The following NRP1 variants were observed in gnomAD, a reference collection of about 807,000 sequenced individuals.
NRP1 encodes neuropilin-1.
A neutral mutation model predicts 106.7 loss-of-function variants in NRP1; 35 were observed. The observed-to-expected ratio is 0.33, with a 90% CI of 0.25 to 0.43. NRP1 has a LOEUF of 0.43. Ranked by LOEUF, NRP1 falls within the 20% of genes least tolerant of loss-of-function variation. NRP1 has a pLI of 1.00. For synonymous variants in NRP1, 437 were observed against 417.9 expected (o/e 1.05, Z -0.56); for missense variants, 1,024 against 1,170.4 (o/e 0.87, Z 1.83).
intron 2 of NRP1, among the ~76,000 whole-genome samples, chr10:33,313,344 G>A (rs1240233594): frequency 6.6e-6 from 1 of 151,966 alleles, no homozygotes; most frequent in Non-Finnish European, 1.5e-5. Flanking sequence ...GAAGAAGAAA[G>A]CAAAAAGTAG....
At chr10:33,207,832 C>G (rs1343119569) in intron 9 of NRP1, 116 bp from the exon 10 acceptor site, 1 of 1,064,342 alleles carries the variant, frequency 9.4e-7, no homozygotes, top group East Asian at 2.5e-5. Flanking sequence ...TGGCTTCATT[C>G]TACCACTTTG....
At chr10:33,280,975 GAA>G (rs1364391424) in intron 2 of NRP1, among the ~76,000 whole-genome samples, 1 of 106,814 alleles carries the variant, frequency 9.4e-6, no homozygotes, top group Admixed American at 9.4e-5. Flanking sequence ...TGTCTCAAAA[GAA>G]AAAAAAAAAA....
intron 9 of NRP1, chr10:33,211,456 C>T (rs1460389701): frequency 2.0e-5 from 3 of 152,004 alleles, no homozygotes; most frequent in Admixed American, 1.3e-4. Flanking sequence ...AAACAAGGCA[C>T]AAAAGGGGAA....
rs1257184985 is a variant in NRP1 at position 33,180,064 on chromosome 10, C to T, written c.*12G>A. 3.1e-6 allele frequency: 5 copies of T among 1,612,018 alleles called. No homozygotes were observed. The South Asian group carries it at 5.5e-5, about 18-fold the overall frequency. On this transcript the variant is annotated 3_prime_UTR_variant, in exon 17 of 17. Coordinates refer to ENST00000374867, the MANE Select transcript of NRP1 (RefSeq NM_003873.7). Reference sequence around the variant, plus strand: ...TTCCGTCCTTTGACTGTCTTTTCATCTCTGTCTGCCTTCATGCCTCCGAAT... The same window carrying T: ...TTCCGTCCTTTGACTGTCTTTTCATTTCTGTCTGCCTTCATGCCTCCGAAT...
intron 13 of NRP1, 55 bp downstream of exon 13, chr10:33,192,226 C>A: frequency 1.3e-6 from 2 of 1,576,370 alleles, no homozygotes; most frequent in East Asian, 2.3e-5. Context: ...GTAACACAGC[C>A]TCGGAATCAA....
intron 6 of NRP1, among the ~76,000 whole-genome samples, chr10:33,241,520 G>A (rs979429573): frequency 6.6e-6 from 1 of 152,142 alleles, no homozygotes; most frequent in Non-Finnish European, 1.5e-5. Flanking sequence ...GGCAGCTGTG[G>A]CTCATCTATT....
intron 9 of NRP1, chr10:33,211,832 G>A (rs1397371338): frequency 6.6e-6 from 1 of 152,268 alleles, no homozygotes; most frequent in Non-Finnish European, 1.5e-5. Context: ...CACAAGAGGA[G>A]TAGGTCCTGG....
intron 15 of NRP1, 59 bp downstream of exon 15, chr10:33,185,569 T>G (rs1367058174): frequency 7.8e-7 from 1 of 1,281,016 alleles, no homozygotes; most frequent in Non-Finnish European, 1.1e-6. Flanking sequence ...ACCATCATAT[T>G]GGCAAGAGTC....
At chr10:33,261,140 G>A (rs1842546130) in intron 4 of NRP1, among the ~76,000 whole-genome samples, 1 of 152,092 alleles carries the variant, frequency 6.6e-6, no homozygotes, top group Non-Finnish European at 1.5e-5. Flanking sequence ...TTTTCTCTGG[G>A]AACAAGTGAA....
chr10:33,196,695 T>C (rs1337189756), intron 12 of NRP1, among the ~76,000 whole-genome samples: 2 of 152,128 alleles, frequency 1.3e-5, no homozygotes, highest in Non-Finnish European at 1.5e-5. Flanking sequence ...AAAGAGAAGT[T>C]TGTTTTGCAG....
chr10:33,258,045 A>T (rs1842320308), intron 4 of NRP1, among the ~76,000 whole-genome samples: 1 of 152,194 alleles, frequency 6.6e-6, no homozygotes, highest in African/African-American at 2.4e-5. Context: ...CAGTGTGTGC[A>T]GTTTGGATGC....
intron 6 of NRP1, chr10:33,249,443 GA>G: frequency 1.9e-6 from 1 of 524,502 alleles, no homozygotes; most frequent in South Asian, 1.4e-5. Context: ...TATTTTATAG[GA>G]AAAGAAACTC....
chr10:33,306,002 C>T (rs1002420539), intron 2 of NRP1, among the ~76,000 whole-genome samples: 5 of 152,006 alleles, frequency 3.3e-5, no homozygotes, highest in East Asian at 3.9e-4. Context: ...CTCCTCACCT[C>T]GTGATCTGCC....
chr10:33,197,675 C>T lies in NRP1; in HGVS notation c.1899G>A (p.Thr633=), dbSNP rs1204456845. 1.0e-5 allele frequency: 16 copies of T among 1,605,716 alleles called. No individual in the cohort carries two copies. The highest frequency in any genetic ancestry group is 4.5e-5 in the East Asian group (2 of 44,626). ...CTGATTGTATGGTGCTGTCTATGAC[C>T]GTGGGCTTTTCTGTGGCCAGCACAG... The part of the protein sequence containing the change: ...GTTVLATEKP[T]VIDSTIQSEF... The change falls in exon 12 of 17, where the codon ACG becomes ACA. Residue 633 remains threonine, a synonymous_variant. Coordinates refer to ENST00000374867, the MANE Select transcript of NRP1 (RefSeq NM_003873.7).
At chr10:33,289,666 C>T (rs192677362) in intron 2 of NRP1, among the ~76,000 whole-genome samples, 42 of 152,248 alleles carry the variant, frequency 2.8e-4, no homozygotes, top group African/African-American at 8.7e-4. Flanking sequence ...GATACACATA[C>T]GAATGGTAAG....
intron 4 of NRP1, among the ~76,000 whole-genome samples, 175 bp downstream of exon 4, chr10:33,263,471 G>A (rs1252656609): frequency 6.6e-6 from 1 of 152,020 alleles, no homozygotes; most frequent in African/African-American, 2.4e-5. Flanking sequence ...AATTACTAAG[G>A]TCTTCTTGAG....
intron 13 of NRP1, among the ~76,000 whole-genome samples, chr10:33,191,403 G>A (rs939989276): frequency 6.6e-6 from 1 of 152,168 alleles, no homozygotes; most frequent in Non-Finnish European, 1.5e-5. Flanking sequence ...TCTTTCCCCA[G>A]TGAATAAGAA....
intron 6 of NRP1, among the ~76,000 whole-genome samples, chr10:33,241,631 T>C (rs1246397623): frequency 6.6e-6 from 1 of 151,902 alleles, no homozygotes; most frequent in African/African-American, 2.4e-5. Flanking sequence ...AGGACTGTGC[T>C]GTTGTATGTG....
At chr10:33,217,986 G>A (rs1564392806) in intron 8 of NRP1, among the ~76,000 whole-genome samples, 1 of 152,186 alleles carries the variant, frequency 6.6e-6, no homozygotes, top group Non-Finnish European at 1.5e-5. Context: ...CCCTGAATGA[G>A]CATAATTTAA....
Sources: allele counts gnomAD v4.1 joint callset (sites outside exome capture counted in the v4.1 genomes callset), GRCh38; gene constraint gnomAD v4.1.1; transcripts MANE v1.5; gene names NCBI Gene and HGNC (gene_info 2026-07-23, HGNC 2026-07-21).